TPRG1: variants seen among roughly 807,000 people sequenced by gnomAD.
TPRG1 encodes the protein tumor protein p63 regulated 1.
A neutral mutation model predicts 29.3 loss-of-function variants in TPRG1; 29 were observed. The observed-to-expected ratio is 0.99, with a 90% CI of 0.74 to 1.35. TPRG1 has a LOEUF of 1.35. TPRG1 is among the 40% of genes most tolerant of loss of function. The pLI is 0.00. For missense variants in TPRG1, 327 were observed against 335.0 expected, an observed-to-expected ratio of 0.98 and a Z score of 0.19; for synonymous variants, 130 against 116.8, an observed-to-expected ratio of 1.11 and a Z score of -0.73.
At chr3:189,206,221 C>T (rs1734347777) in intron 1 of TPRG1, among the ~76,000 whole-genome samples, 1 of 146,698 alleles carries the variant, frequency 6.8e-6, no homozygotes, top group Non-Finnish European at 1.5e-5. Flanking sequence ...TTTTAACTTA[C>T]TTTTTTCCAT....
intron 1 of TPRG1, among the ~76,000 whole-genome samples, chr3:189,191,548 G>A (rs1731693353): frequency 6.6e-6 from 1 of 152,118 alleles, no homozygotes; most frequent in African/African-American, 2.4e-5. Context: ...AGGTGGAGTG[G>A]AACTGGGTCA....
intron 3 of TPRG1, among the ~76,000 whole-genome samples, chr3:189,140,061 GAC>G: frequency 6.6e-6 from 1 of 152,158 alleles, no homozygotes; most frequent in Non-Finnish European, 1.5e-5. Context: ...CACACACAGA[GAC>G]ACACAATAAA....
chr3:189,082,583 A>G (rs1717664936), intron 4 of TPRG1, among the ~76,000 whole-genome samples: 1 of 152,144 alleles, frequency 6.6e-6, no homozygotes, highest in Non-Finnish European at 1.5e-5. Context: ...AGTCCAAGTC[A>G]AGATTTGTGA....
chr3:189,012,984 G>C (rs886176225), intron 3 of TPRG1, among the ~76,000 whole-genome samples: 1 of 151,650 alleles, frequency 6.6e-6, no homozygotes, highest in African/African-American at 2.4e-5. Flanking sequence ...ATATCTCTAC[G>C]AAGGAGATAG....
At chr3:189,267,551 G>T (rs1714326671) in intron 4 of TPRG1, 1 of 152,208 alleles carries the variant, frequency 6.6e-6, no homozygotes, top group Non-Finnish European at 1.5e-5. Flanking sequence ...ACAGAATGAA[G>T]AATTTTGGTA....
At chr3:189,282,380 A>G (rs567834434) in intron 4 of TPRG1, among the ~76,000 whole-genome samples, 2 of 152,220 alleles carry the variant, frequency 1.3e-5, no homozygotes, top group South Asian at 4.1e-4. Context: ...CTACTTCTAC[A>G]TACTCTTCTA....
rs1328984810 is a variant in TPRG1 at position 189,057,848 on chromosome 3, ATATATATACACACATACGTATGTGTG to A, written c.-463+33911_-463+33936del. On this transcript the variant is annotated intron_variant, in intron 4 of 10. Transcript: ENST00000433971. Reference sequence around the variant, plus strand: ...TATATACACACATATGTATGTGTGTATATATATACACACATACGTATGTGTGTATATATATATACGTATACACATAT... The same window carrying A: ...TATATACACACATATGTATGTGTGTATATATATATATACGTATACACATAT... Among the ~76,000 whole-genome samples, 398 of 112,086 alleles carry A rather than the reference ATATATATACACACATACGTATGTGTG, an allele frequency of 3.6e-3. 2 individuals are homozygous for A. The highest frequency in any genetic ancestry group is 0.011 in the South Asian group (42 of 3,940). The allele number at this position is 112,086 out of a possible 152,430, so 73.5% of individuals were successfully genotyped here.
At chr3:189,154,240 G>A (rs1312086640) in intron 5 of TPRG1, among the ~76,000 whole-genome samples, 1 of 152,160 alleles carries the variant, frequency 6.6e-6, no homozygotes, top group African/African-American at 2.4e-5. Flanking sequence ...CCTGAAAGCT[G>A]GCAAAGTGAA....
chr3:189,219,692 T>C (rs938180786), intron 3 of TPRG1: 2 of 1,277,012 alleles, frequency 1.6e-6, no homozygotes, highest in South Asian at 1.3e-5. Flanking sequence ...TTGTCTACAA[T>C]GGTTAAAGAG....
At chr3:189,056,674 G>T (rs1251142663) in intron 4 of TPRG1, among the ~76,000 whole-genome samples, 3 of 152,264 alleles carry the variant, frequency 2.0e-5, no homozygotes, top group African/African-American at 7.2e-5. Context: ...AAAGTGCCTA[G>T]TATAGGTTTT....
At chr3:189,125,778 C>T (rs534410790) in intron 1 of TPRG1, among the ~76,000 whole-genome samples, 1 of 143,230 alleles carries the variant, frequency 7.0e-6, no homozygotes, top group East Asian at 2.1e-4. Context: ...TGAGAGATTC[C>T]ATTGCCTATT....
At chr3:189,155,076 C>G (rs1001382747) in intron 5 of TPRG1, among the ~76,000 whole-genome samples, 1 of 152,092 alleles carries the variant, frequency 6.6e-6, no homozygotes, top group Non-Finnish European at 1.5e-5. Context: ...AACTGGCAAG[C>G]TAAGGGACCC....
chr3:189,112,070 C>A (rs573097644), intron 1 of TPRG1, among the ~76,000 whole-genome samples: 1 of 151,844 alleles, frequency 6.6e-6, no homozygotes, highest in African/African-American at 2.4e-5. Context: ...TTGTTTTTTT[C>A]CTTTGTATTC....
intron 1 of TPRG1, among the ~76,000 whole-genome samples, chr3:189,112,941 C>A (rs1202132921): frequency 6.6e-6 from 1 of 152,108 alleles, no homozygotes; most frequent in Non-Finnish European, 1.5e-5. Context: ...ATAGGGATGG[C>A]ATTGAATCTA....
intron 4 of TPRG1, among the ~76,000 whole-genome samples, chr3:189,285,570 G>T (rs1276524892): frequency 6.6e-6 from 1 of 152,248 alleles, no homozygotes; most frequent in Admixed American, 6.5e-5. Context: ...CATTGTGAAT[G>T]TCTGAAAGAG....
intron 4 of TPRG1, among the ~76,000 whole-genome samples, chr3:189,051,932 A>G (rs1715348654): frequency 2.0e-5 from 3 of 152,356 alleles, no homozygotes; most frequent in South Asian, 4.1e-4. Flanking sequence ...CTCACCTTGT[A>G]CAAAAATCAA....
chr3:189,083,487 G>A (rs898735412), intron 4 of TPRG1, among the ~76,000 whole-genome samples: 1 of 152,196 alleles, frequency 6.6e-6, no homozygotes, highest in Non-Finnish European at 1.5e-5. Context: ...GAGCAGGGAA[G>A]GGTTAGGTGA....
At chr3:189,097,372 C>T (rs1405638124), upstream of TPRG1, among the ~76,000 whole-genome samples, 1 of 152,068 alleles carries the variant, frequency 6.6e-6, no homozygotes, top group Admixed American at 6.6e-5. Flanking sequence ...TGTGAAATAC[C>T]CAGGTTTAAA....
chr3:189,234,820 G>A lies in TPRG1; in HGVS notation c.303-3913G>A, dbSNP rs192118614. On this transcript the variant is annotated intron_variant, in intron 3 of 5. Coordinates refer to ENST00000345063, the MANE Select transcript of TPRG1 (RefSeq NM_198485.4). The stretch of plus-strand genomic sequence containing the variant: ...GAAATAACTATACAATAGCATCCAA[G>A]GTAAGTACCATAAGTGGGAAATATG... Among the ~76,000 whole-genome samples the A allele has an allele frequency of 2.3e-3, 351 of 152,242 alleles. 9 individuals are homozygous for A. The highest frequency in any genetic ancestry group is 0.021 in the Admixed American group (322 of 15,286).
Sources: gnomAD v4.1 joint callset for allele counts (sites outside exome capture counted in the v4.1 genomes callset) on GRCh38, gnomAD v4.1.1 for gene constraint, MANE v1.5 for transcripts, NCBI Gene and HGNC (gene_info 2026-07-23, HGNC 2026-07-21) for gene names.